The following PI4KA variants were observed in gnomAD, a reference collection of about 807,000 sequenced individuals.
The protein encoded by PI4KA is PI4-kinase alpha.
Under a neutral mutation model 271.4 loss-of-function variants are expected in PI4KA, and 122 were observed. That is an observed-to-expected ratio of 0.45 (90% CI 0.39 to 0.52). The LOEUF is 0.52. Among genes scored for constraint, PI4KA ranks in the 20% least tolerant of loss-of-function variants. PI4KA has a pLI of 0.00. For synonymous variants in PI4KA, 1,041 were observed against 1,078.8 expected, an observed-to-expected ratio of 0.96 and a Z score of 0.69; for missense variants, 1,969 against 2,769.1, an observed-to-expected ratio of 0.71 and a Z score of 6.48.
At chr22:20,747,531 T>G (rs966953482) in intron 29 of PI4KA, 52 bp downstream of exon 29, 18 of 1,596,222 alleles carry the variant, frequency 1.1e-5, no homozygotes, top group Non-Finnish European at 1.5e-5. Context: ...TCCCCTGCAC[T>G]GTGGCTCCTA....
chr22:20,794,508 T>G (rs1037245936), intron 18 of PI4KA, among the ~76,000 whole-genome samples: 1 of 152,190 alleles, frequency 6.6e-6, no homozygotes, highest in African/African-American at 2.4e-5. Flanking sequence ...GTCAGCCACA[T>G]GACTGTCGGA....
chr22:20,814,152 C>T (rs1325921899), intron 7 of PI4KA, among the ~76,000 whole-genome samples: 1 of 148,906 alleles, frequency 6.7e-6, no homozygotes, highest in Non-Finnish European at 1.5e-5. Flanking sequence ...TCCACAGGGC[C>T]TCAGAGATAT....
At chr22:20,852,233 C>T (rs936832543) in intron 1 of PI4KA, among the ~76,000 whole-genome samples, 1 of 152,218 alleles carries the variant, frequency 6.6e-6, no homozygotes, top group Non-Finnish European at 1.5e-5. Context: ...AGATTAGAGG[C>T]AACCACACCT....
Position 20,804,352 on chromosome 22 carries a change from G to A in PI4KA, c.1409C>T (p.Thr470Met), listed in dbSNP as rs755319751. 16 of 1,614,006 alleles carry A rather than the reference G, an allele frequency of 9.9e-6. No individual in the cohort carries two copies. Among genetic ancestry groups the A allele is most frequent in the Non-Finnish European group, 1.3e-5 (15 of 1,179,884 alleles). Reference sequence around the variant, plus strand: ...GTGAGCAATAATGACTTTGCTGGACGTCTTGGACTGCAGCTTCTCAGATAG... The same window carrying A: ...GTGAGCAATAATGACTTTGCTGGACATCTTGGACTGCAGCTTCTCAGATAG... ...IKLSEKLQSK[T>M]SSKVIIAHLP... The change falls in exon 12 of 55, where the codon ACG (threonine) becomes ATG (methionine). Residue 470 changes from threonine (T) to methionine (M), a missense_variant. Physicochemically the swap from Thr to Met is moderately conservative, Grantham distance 81. This residue lies in a region of PI4KA where 228 missense variants were observed against 261.6 expected (regional missense o/e 0.87). Coordinates refer to ENST00000255882, the MANE Select transcript of PI4KA (RefSeq NM_058004.4).
rs200027566 is a variant in PI4KA at position 20,799,288 on chromosome 22, A to G, written c.1821-12T>C. ...TCAAGTGAGCGTCCCTACAGAAGGA[A>G]GAACAGAAGCGCCCTAGCAACAGTC... On this transcript the variant is annotated splice_polypyrimidine_tract_variant and intron_variant, in intron 15 of 54. Coordinates refer to ENST00000255882, the MANE Select transcript of PI4KA (RefSeq NM_058004.4). 62 of 1,511,806 alleles carry G rather than the reference A, an allele frequency of 4.1e-5. 1 individual carries two copies. The East Asian group carries it at 1.4e-3, about 34-fold the overall frequency. 93.6% of individuals were successfully genotyped at this position (1,511,806 alleles called of 1,614,324 possible).
Position 20,734,542 on chromosome 22 carries a change from C to T in PI4KA, c.3753G>A (p.Glu1251=), listed in dbSNP as rs1193713647. The change falls in exon 33 of 55, where the codon GAG becomes GAA. Residue 1251 remains glutamate, a synonymous_variant. Coordinates refer to ENST00000255882, the MANE Select transcript of PI4KA (RefSeq NM_058004.4). ...KDGVEVPFMR[E]MAGAWHMTVE... is the part of the protein sequence containing the mutation. ...CCGTCATGTGCCAGGCCCCTGCCAT[C>T]TCCCGCATGAACTACAGGTACAGAA... 2 of 1,613,996 alleles carry T rather than the reference C, an allele frequency of 1.2e-6. No individual in the cohort carries two copies. Among genetic ancestry groups the T allele is most frequent in the Non-Finnish European group, 1.7e-6 (2 of 1,179,868 alleles).
intron 1 of PI4KA, among the ~76,000 whole-genome samples, chr22:20,852,703 G>C (rs1927139381): frequency 6.6e-6 from 1 of 152,038 alleles, no homozygotes; most frequent in South Asian, 2.1e-4. Context: ...CAAAGCAAAG[G>C]GAAAGAGGAT....
chr22:20,811,572 T>C (rs181098109), intron 8 of PI4KA, among the ~76,000 whole-genome samples: 3 of 137,464 alleles, frequency 2.2e-5, no homozygotes, highest in Non-Finnish European at 4.5e-5. Flanking sequence ...CAGTATTTAG[T>C]GTAGGAATGA....
intron 44 of PI4KA, among the ~76,000 whole-genome samples, chr22:20,718,279 G>A (rs1926267535): frequency 6.6e-6 from 1 of 152,210 alleles, no homozygotes; most frequent in South Asian, 2.1e-4. Context: ...GATGGTGTCA[G>A]GTCCACATGA....
At chr22:20,820,712 A>T (rs140514148) in intron 4 of PI4KA, 101 bp from the exon 5 acceptor site, 2 of 810,632 alleles carry the variant, frequency 2.5e-6, no homozygotes, top group Non-Finnish European at 4.1e-6. Flanking sequence ...CATTATCTTA[A>T]CCAACCCCAT....
chr22:20,803,183 G>T lies in PI4KA; in HGVS notation c.1591+8C>A. 1 of 1,613,878 alleles carries T rather than the reference G, an allele frequency of 6.2e-7. No individual in the cohort carries two copies. The highest frequency in any genetic ancestry group is 8.5e-7 in the Non-Finnish European group (1 of 1,179,794). On this transcript the variant is annotated splice_region_variant and intron_variant, in intron 13 of 54. Coordinates refer to ENST00000255882, the MANE Select transcript of PI4KA (RefSeq NM_058004.4). ...TCAGGGCCTGAAGGGCACATAGTCT[G>T]TTATTACCTGTGTGGTACTGACTGT... is the stretch of plus-strand genomic sequence containing the variant.
chr22:20,752,987 G>C lies in PI4KA; in HGVS notation c.2903C>G (p.Ala968Gly). The change falls in exon 25 of 55, where the codon GCT becomes GGT. Residue 968 changes from alanine (A) to glycine (G), a missense_variant. By Grantham distance (60) the Ala-to-Gly change is moderately conservative. Around this residue, in one of 13 missense-constraint regions of PI4KA, gnomAD observed 368 missense variants for 544.3 expected, o/e 0.68. Transcript: ENST00000255882. The stretch of plus-strand genomic sequence containing the variant: ...GTTGAAGTTCACCAACAGGAACTGA[G>C]CGTGCCGCTCCAGCTCCTCCTCGTT... The part of the protein sequence containing the change: ...KENEEELERH[A>G]QFLLVNFNHI... The C allele has an allele frequency of 1.2e-6, 2 of 1,614,196 alleles. No individual in the cohort carries two copies. Among genetic ancestry groups the C allele is most frequent in the Non-Finnish European group, 1.7e-6 (2 of 1,179,996 alleles).
chr22:20,848,434 C>T (rs1926548590), intron 1 of PI4KA, among the ~76,000 whole-genome samples: 1 of 152,056 alleles, frequency 6.6e-6, no homozygotes, highest in African/African-American at 2.4e-5. Flanking sequence ...AATTGGAGGA[C>T]TCATTCTTCC....
At chr22:20,838,482 C>T (rs1925158119) in intron 2 of PI4KA, 133 bp downstream of exon 2, 3 of 629,772 alleles carry the variant, frequency 4.8e-6, no homozygotes, top group Non-Finnish European at 8.5e-6. Context: ...CCTACCCTCT[C>T]CACTAACCAC....
At chr22:20,813,262 T>C in intron 8 of PI4KA, 96 bp downstream of exon 8, 1 of 875,516 alleles carries the variant, frequency 1.1e-6, no homozygotes, top group East Asian at 2.4e-5. Context: ...TTTGAAATAC[T>C]GGTACTCTGA....
chr22:20,833,379 A>G lies in PI4KA; in HGVS notation c.367+1183T>C, dbSNP rs566735258. 1.1e-4 allele frequency among the ~76,000 whole-genome samples: 16 copies of G among 152,312 alleles called. No homozygotes were observed. In the South Asian group the frequency reaches 3.1e-3, roughly 30 times the overall value. On this transcript the variant is annotated intron_variant, in intron 3 of 54. Coordinates refer to ENST00000255882, the MANE Select transcript of PI4KA (RefSeq NM_058004.4). ...TTGTGACAGCAGCACCAGCAGTGCAATGGGGTGCATGCTCATTGGCTGAGG... is the reference window on the plus strand; with the variant it reads ...TTGTGACAGCAGCACCAGCAGTGCAGTGGGGTGCATGCTCATTGGCTGAGG...
At chr22:20,842,905 T>C (rs1337994230) in intron 1 of PI4KA, among the ~76,000 whole-genome samples, 1 of 150,866 alleles carries the variant, frequency 6.6e-6, no homozygotes, top group Admixed American at 6.6e-5. Flanking sequence ...GATCAGGAGA[T>C]CGAGACCACA....
intron 36 of PI4KA, among the ~76,000 whole-genome samples, chr22:20,732,612 T>C (rs1928211645): frequency 6.6e-6 from 1 of 152,196 alleles, no homozygotes; most frequent in African/African-American, 2.4e-5. Flanking sequence ...GACTGCCTCC[T>C]ACAAGACAAC....
intron 28 of PI4KA, among the ~76,000 whole-genome samples, chr22:20,749,234 G>C (rs929912218): frequency 2.6e-5 from 4 of 152,192 alleles, no homozygotes; most frequent in African/African-American, 9.7e-5. Context: ...AAACACTTTT[G>C]AGCCTGTTTC....
Sources: gnomAD v4.1 joint callset for allele counts (sites outside exome capture counted in the v4.1 genomes callset) on GRCh38, gnomAD v4.1.1 for gene constraint, gnomAD v4.1.1 regional missense constraint, MANE v1.5 for transcripts, NCBI Gene and HGNC (gene_info 2026-07-23, HGNC 2026-07-21) for gene names.